The following SDK1 variants were observed in gnomAD, a reference collection of about 807,000 sequenced individuals.
The protein encoded by SDK1 is protein sidekick-1.
Under a neutral mutation model 245.5 loss-of-function variants are expected in SDK1, and 157 were observed. That is an observed-to-expected ratio of 0.64 (90% confidence interval 0.56 to 0.73). The LOEUF (loss-of-function observed/expected upper bound fraction) is 0.73, where lower values mean the gene tolerates loss of function less well. Ranked by LOEUF, SDK1 falls within the 30% of genes least tolerant of loss-of-function variation. SDK1 has a pLI of 0.00. For missense variants in SDK1, 3,583 were observed against 3,002.3 expected, an observed-to-expected ratio of 1.19 and a Z score of -4.52; for synonymous variants, 1,647 against 1,278.5, an observed-to-expected ratio of 1.29 and a Z score of -6.15.
intron 5 of SDK1, among the ~76,000 whole-genome samples, chr7:3,903,415 G>A (rs1781859697): frequency 6.6e-6 from 1 of 152,040 alleles, no homozygotes; most frequent in South Asian, 2.1e-4. Context: ...CAAAGTGCTT[G>A]GATTACAGGC....
intron 3 of SDK1, among the ~76,000 whole-genome samples, chr7:3,639,338 C>T (rs1214102398): frequency 6.6e-6 from 1 of 152,120 alleles, no homozygotes; most frequent in African/African-American, 2.4e-5. Context: ...AGACTCAGGA[C>T]CCTAAGAGGC....
intron 4 of SDK1, among the ~76,000 whole-genome samples, chr7:3,679,826 A>G (rs1352579518): frequency 1.3e-5 from 2 of 152,174 alleles, no homozygotes; most frequent in African/African-American, 4.8e-5. Flanking sequence ...GCATATAGCC[A>G]CTCTGAGAAA....
chr7:3,537,863 A>T (rs1778932368), intron 1 of SDK1, among the ~76,000 whole-genome samples: 1 of 152,214 alleles, frequency 6.6e-6, no homozygotes, highest in African/African-American at 2.4e-5. Context: ...CTCCGTGCAC[A>T]AATCCAGGTA....
chr7:3,399,345 G>C (rs1304476130), intron 1 of SDK1, among the ~76,000 whole-genome samples: 1 of 151,454 alleles, frequency 6.6e-6, no homozygotes, highest in Non-Finnish European at 1.5e-5. Context: ...TTTTTATTTT[G>C]TGAGAGTTAA....
At chr7:4,175,880 C>G (rs755286986) in intron 34 of SDK1, 46 bp downstream of exon 34, 12 of 1,549,294 alleles carry the variant, frequency 7.7e-6, no homozygotes, top group African/African-American at 1.4e-5. Context: ...GGCGCACACA[C>G]TGTGCCCAGA....
chr7:3,572,502 A>G (rs1179929523), intron 1 of SDK1, among the ~76,000 whole-genome samples: 2 of 151,986 alleles, frequency 1.3e-5, no homozygotes, highest in Non-Finnish European at 2.9e-5. Context: ...CACAGAGGAG[A>G]TAGCTGGCGT....
rs374328129 is a variant in SDK1, at chr7:3,639,114, T to G, written c.565+4T>G. On this transcript the variant is annotated splice_donor_region_variant and intron_variant, in intron 3 of 44. Transcript: ENST00000404826. ...AAATCAGAAGTTCAAGTCGCATGTA[T>G]GTGTACAGTAAGGAGATGTCCAAAT... 7 of 1,558,560 alleles carry G rather than the reference T, an allele frequency of 4.5e-6. No homozygotes were observed. The South Asian group carries it at 8.1e-5, about 18-fold the overall frequency.
intron 1 of SDK1, among the ~76,000 whole-genome samples, chr7:3,485,135 T>C (rs1781643912): frequency 6.6e-6 from 1 of 152,182 alleles, no homozygotes; most frequent in Admixed American, 6.5e-5. Flanking sequence ...GTATGAACAT[T>C]CTTTTTCTCT....
rs543703999 is a variant in SDK1 at position 3,690,633 on chromosome 7, A to G, written c.713+48528A>G. ...TAGCTTTTACAGATAAGTCACCAGG[A>G]AGACATCACACAATGTTGTTTATAG... is the stretch of plus-strand genomic sequence containing the variant. On this transcript the variant is annotated intron_variant, in intron 4 of 44. Coordinates refer to ENST00000404826, the MANE Select transcript of SDK1 (RefSeq NM_152744.4). Among the ~76,000 whole-genome samples the G allele has an allele frequency of 2.6e-3, 396 of 152,304 alleles. 4 individuals are homozygous for G. The highest frequency in any genetic ancestry group is 9.2e-3 in the African/African-American group (384 of 41,558).
intron 16 of SDK1, among the ~76,000 whole-genome samples, chr7:4,015,220 ACAC>A (rs1554305873): frequency 1.3e-5 from 2 of 152,146 alleles, no homozygotes; most frequent in Non-Finnish European, 2.9e-5. Context: ...AATTTTCCCA[ACAC>A]CACCCAGCTT....
At chr7:3,314,845 T>G (rs188988903) in intron 1 of SDK1, among the ~76,000 whole-genome samples, 2 of 152,338 alleles carry the variant, frequency 1.3e-5, no homozygotes, top group East Asian at 3.9e-4. Context: ...AAAATTGCTC[T>G]TTCTTGGGTG....
chr7:3,653,293 G>A (rs1220328472), intron 4 of SDK1, among the ~76,000 whole-genome samples: 1 of 152,106 alleles, frequency 6.6e-6, no homozygotes, highest in African/African-American at 2.4e-5. Flanking sequence ...CTCACTCCAG[G>A]GTCCACGTGT....
chr7:3,330,079 C>CT (rs796103132), intron 1 of SDK1, among the ~76,000 whole-genome samples: 40 of 152,016 alleles, frequency 2.6e-4, no homozygotes, highest in Admixed American at 5.2e-4. Context: ...TATATGTCAC[C>CT]TTTTTTTTCC....
intron 19 of SDK1, among the ~76,000 whole-genome samples, chr7:4,065,694 GTTTTTTT>G (rs749991713): frequency 1.0e-4 from 7 of 66,716 alleles, no homozygotes; most frequent in Admixed American, 2.7e-4. Flanking sequence ...AGTGGTTGTT[GTTTTTTT>G]TTTTTTTTTT....
chr7:4,265,637 C>G lies in SDK1; in HGVS notation c.*253C>G, dbSNP rs1788420854. On this transcript the variant is annotated 3_prime_UTR_variant, in exon 45 of 45. Transcript: ENST00000404826. ...TCTTTTTAAGAGAAGGTGTATTTCA[C>G]TGGTGCAATGGCTTGGCACCTCCGG... The G allele has an allele frequency of 7.7e-7, 1 of 1,299,346 alleles. No individual in the cohort carries two copies. The highest frequency in any genetic ancestry group is 9.7e-7 in the Non-Finnish European group (1 of 1,030,456). The allele number at this position is 1,299,346 out of a possible 1,614,324, so 80.5% of individuals were successfully genotyped here.
intron 4 of SDK1, among the ~76,000 whole-genome samples, chr7:3,759,366 A>C (rs774287388): frequency 1.3e-5 from 2 of 152,196 alleles, no homozygotes; most frequent in Non-Finnish European, 2.9e-5. Context: ...TATAGAAAAT[A>C]AATGTGTATG....
At chr7:3,403,488 C>T (rs1331302019) in intron 1 of SDK1, among the ~76,000 whole-genome samples, 4 of 151,824 alleles carry the variant, frequency 2.6e-5, no homozygotes, top group Admixed American at 2.6e-4. Context: ...CCATGAAAAA[C>T]AGGTCTTTTT....
At chr7:3,599,179 G>A (rs1316785142) in intron 1 of SDK1, among the ~76,000 whole-genome samples, 3 of 148,024 alleles carry the variant, frequency 2.0e-5, no homozygotes, top group African/African-American at 7.5e-5. Context: ...TAGATGTGCA[G>A]TGATATCTCA....
At chr7:4,241,595 A>G (rs955629913) in intron 42 of SDK1, among the ~76,000 whole-genome samples, 198 bp from the exon 43 acceptor site, 10 of 152,226 alleles carry the variant, frequency 6.6e-5, no homozygotes, top group Non-Finnish European at 1.5e-5. Flanking sequence ...TAATATTGTC[A>G]CTTTGCTCCA....
Sources: gnomAD v4.1 joint callset for allele counts (sites outside exome capture counted in the v4.1 genomes callset) on GRCh38, gnomAD v4.1.1 for gene constraint, MANE v1.5 for transcripts, NCBI Gene and HGNC (gene_info 2026-07-23, HGNC 2026-07-21) for gene names.